The following PRKAR2A variants were observed in gnomAD, a reference collection of about 807,000 sequenced individuals.
PRKAR2A encodes the protein cAMP-dependent protein kinase type II-alpha regulatory subunit.
Under a neutral mutation model 51.9 loss-of-function variants are expected in PRKAR2A, and 29 were observed. That is an observed-to-expected ratio of 0.56 (90% CI 0.42 to 0.76). The LOEUF (loss-of-function observed/expected upper bound fraction) is 0.76. Among genes scored for constraint, PRKAR2A ranks in the 30% least tolerant of loss-of-function variants. The probability of loss-of-function intolerance (pLI) is 0.00; values close to 1 mark genes in which losing one functional copy is unlikely to be tolerated. For synonymous variants in PRKAR2A, 178 were observed against 186.2 expected, an observed-to-expected ratio of 0.96 and a Z score of 0.36; for missense variants, 445 against 512.1, an observed-to-expected ratio of 0.87 and a Z score of 1.26.
At position 48,807,624 on chromosome 3, in the gene PRKAR2A, GTA is replaced by G. The variant is rs10575616; in HGVS notation, c.298+23_298+24del. 13,339 of 1,510,038 alleles carry G rather than the reference GTA, an allele frequency of 8.8e-3. 986 individuals are homozygous for G. The African/African-American group carries it at 0.16, about 19-fold the overall frequency. 93.5% of individuals were successfully genotyped at this position (1,510,038 alleles called of 1,614,324 possible). On this transcript the variant is annotated intron_variant, in intron 2 of 10. Coordinates refer to ENST00000265563, the MANE Select transcript of PRKAR2A (RefSeq NM_004157.4). ...CCTATCTTAAAATAACATTTTAGAA[GTA>G]TGTTATGAAATAGAACACATACCTG...
chr3:48,746,353 T>TACAA (rs2081561692), downstream of PRKAR2A, among the ~76,000 whole-genome samples: 1 of 68,276 alleles, frequency 1.5e-5, no homozygotes, highest in South Asian at 5.6e-4. Context: ...ATCCTGTCAC[T>TACAA]AAAAAAAAAA....
At chr3:48,782,876 C>G (rs902100783) in intron 5 of PRKAR2A, 110 bp downstream of exon 5, 1 of 744,434 alleles carries the variant, frequency 1.3e-6, no homozygotes, top group Non-Finnish European at 2.3e-6. Flanking sequence ...GAAGCTTGTT[C>G]ACCTGGCCCT....
intron 2 of PRKAR2A, among the ~76,000 whole-genome samples, chr3:48,800,187 C>A (rs768997220): frequency 2.0e-5 from 3 of 150,786 alleles, no homozygotes; most frequent in African/African-American, 7.3e-5. Flanking sequence ...TAAATAAAAT[C>A]ATACTAACAT....
At chr3:48,754,626 T>C (rs1041354607) in intron 9 of PRKAR2A, among the ~76,000 whole-genome samples, 6 of 151,710 alleles carry the variant, frequency 4.0e-5, no homozygotes, top group Non-Finnish European at 5.9e-5. Flanking sequence ...TACAAAAAAT[T>C]AGCTGGGCTT....
chr3:48,795,828 C>T (rs2082482943), intron 2 of PRKAR2A, among the ~76,000 whole-genome samples: 1 of 152,152 alleles, frequency 6.6e-6, no homozygotes, highest in South Asian at 2.1e-4. Flanking sequence ...TGCCACCGCG[C>T]CTGACCTGTA....
chr3:48,747,684 G>C lies in PRKAR2A; in HGVS notation c.*3901C>G, dbSNP rs2081580957. 1 of 152,186 alleles carries C rather than the reference G, an allele frequency of 6.6e-6. No individual in the cohort carries two copies. Among genetic ancestry groups the C allele is most frequent in the African/African-American group, 2.4e-5 (1 of 41,438 alleles). 9.4% of individuals were successfully genotyped at this position (152,186 alleles called of 1,614,324 possible). A position where few individuals can be genotyped will look rare whatever the true frequency, so the allele number is the denominator to read the frequency against. On this transcript the variant is annotated 3_prime_UTR_variant, in exon 11 of 11. Transcript: ENST00000265563. ...AGAATTCAACCAAGAGAAGAGAGTG[G>C]GTGGCATAAGCTGGGGGCCAAAAGG...
intron 1 of PRKAR2A, among the ~76,000 whole-genome samples, chr3:48,814,480 G>C (rs2082840817): frequency 6.6e-6 from 1 of 152,198 alleles, no homozygotes; most frequent in African/African-American, 2.4e-5. Context: ...GGGTCACTGA[G>C]TGGGATATTC....
chr3:48,840,879 C>CTTTTTT (rs998914309), intron 1 of PRKAR2A, among the ~76,000 whole-genome samples: 1 of 100,758 alleles, frequency 9.9e-6, no homozygotes, highest in Non-Finnish European at 2.0e-5. Flanking sequence ...CCTGGCCCAC[C>CTTTTTT]TTTTTTTTTT....
At chr3:48,758,728 T>C (rs540343763) in intron 8 of PRKAR2A, among the ~76,000 whole-genome samples, 7 of 152,282 alleles carry the variant, frequency 4.6e-5, no homozygotes, top group Admixed American at 4.6e-4. Context: ...TGTTGCTGTG[T>C]GCTCACTCCC....
At chr3:48,814,493 C>A (rs1436869060) in intron 1 of PRKAR2A, among the ~76,000 whole-genome samples, 1 of 152,184 alleles carries the variant, frequency 6.6e-6, no homozygotes, top group Non-Finnish European at 1.5e-5. Flanking sequence ...GGATATTCAA[C>A]TGACTTTAAC....
intron 6 of PRKAR2A, among the ~76,000 whole-genome samples, chr3:48,768,398 T>C (rs1445600714): frequency 4.0e-5 from 6 of 151,356 alleles, no homozygotes; most frequent in South Asian, 2.1e-4. Flanking sequence ...CATAGATACA[T>C]AGATAGATAA....
At chr3:48,772,341 G>C (rs768764710) in intron 6 of PRKAR2A, among the ~76,000 whole-genome samples, 34 of 150,414 alleles carry the variant, frequency 2.3e-4, no homozygotes, top group Non-Finnish European at 3.6e-4. Flanking sequence ...CCGCCTCCTG[G>C]GACTACAGGC....
At chr3:48,829,720 A>G (rs1335542273) in intron 1 of PRKAR2A, among the ~76,000 whole-genome samples, 1 of 117,184 alleles carries the variant, frequency 8.5e-6, no homozygotes, top group Non-Finnish European at 1.7e-5. Context: ...ATACGTATAT[A>G]TTTTATATAT....
chr3:48,774,240 G>C (rs2082072748), intron 5 of PRKAR2A, among the ~76,000 whole-genome samples: 1 of 151,888 alleles, frequency 6.6e-6, no homozygotes, highest in African/African-American at 2.4e-5. Flanking sequence ...GGGTAACTGG[G>C]GTATCCATCA....
chr3:48,765,068 C>T lies in PRKAR2A; in HGVS notation c.809G>A (p.Arg270Gln), dbSNP rs776689351. The change falls in exon 8 of 11, where the codon CGA (arginine) becomes CAA (glutamine). Residue 270 changes from arginine (R) to glutamine (Q), a missense_variant. Physicochemically the swap from Arg to Gln is conservative, Grantham distance 43 (BLOSUM62 1). Transcript: ENST00000265563. ...PLLKSLEVSE[R>Q]MKIVDVIGEK... ...TCCTATTACATCCACAATCTTCATT[C>T]GTTCTGACACCTGAAACAACAAATT... 5 of 1,613,900 alleles carry T rather than the reference C, an allele frequency of 3.1e-6. No homozygotes were observed. The highest frequency in any genetic ancestry group is 4.5e-5 in the East Asian group (2 of 44,898).
chr3:48,757,991 G>A (rs2081798721), intron 8 of PRKAR2A, among the ~76,000 whole-genome samples: 1 of 152,160 alleles, frequency 6.6e-6, no homozygotes, highest in African/African-American at 2.4e-5. Flanking sequence ...GGGAGGCAGA[G>A]GTTGCAGTGA....
At chr3:48,792,024 AT>A (rs1423118378) in intron 3 of PRKAR2A, among the ~76,000 whole-genome samples, 1 of 152,006 alleles carries the variant, frequency 6.6e-6, no homozygotes, top group Non-Finnish European at 1.5e-5. Context: ...GAATAAAAAA[AT>A]TACATGATTT....
intron 6 of PRKAR2A, among the ~76,000 whole-genome samples, chr3:48,771,702 A>G (rs2082031187): frequency 6.6e-6 from 1 of 152,092 alleles, no homozygotes; most frequent in Admixed American, 6.6e-5. Flanking sequence ...AACAGGCTTG[A>G]GCCACTGTGG....
At chr3:48,744,934 G>T (rs2081544343), downstream of PRKAR2A, among the ~76,000 whole-genome samples, 1 of 150,910 alleles carries the variant, frequency 6.6e-6, no homozygotes, top group African/African-American at 2.4e-5. Context: ...GAGTGCAGTG[G>T]CGCAATCTTG....
Sources: allele counts gnomAD v4.1 joint callset (sites outside exome capture counted in the v4.1 genomes callset), GRCh38; gene constraint gnomAD v4.1.1; transcripts MANE v1.5; gene names NCBI Gene and HGNC (gene_info 2026-07-23, HGNC 2026-07-21).